IARS1: variants seen among roughly 807,000 people sequenced by gnomAD.
IARS1 encodes the protein isoleucine--tRNA ligase, cytoplasmic.
Under a neutral mutation model 168.2 loss-of-function variants are expected in IARS1, and 124 were observed. The ratio of observed to expected loss-of-function variants is 0.74; its 90% CI spans 0.64 to 0.86. The LOEUF is 0.86. IARS1 is among the 40% of genes least tolerant of loss of function. The pLI is 0.00. For synonymous variants in IARS1, 532 were observed against 529.4 expected, an observed-to-expected ratio of 1.00 and a Z score of -0.07; for missense variants, 1,452 against 1,515.8, an observed-to-expected ratio of 0.96 and a Z score of 0.70.
intron 1 of IARS1, among the ~76,000 whole-genome samples, chr9:92,290,004 C>T (rs775761147): frequency 5.9e-5 from 9 of 152,102 alleles, no homozygotes; most frequent in East Asian, 1.9e-4. Context: ...TTACGAATAA[C>T]GCTGCTATGA....
chr9:92,259,088 TC>T, intron 18 of IARS1, 90 bp from the exon 19 acceptor site: 1 of 1,183,726 alleles, frequency 8.4e-7, no homozygotes, highest in Non-Finnish European at 1.2e-6. Context: ...AAGATGAAAA[TC>T]AGTCCTATTT....
At chr9:92,228,732 A>G (rs566648181) in intron 31 of IARS1, among the ~76,000 whole-genome samples, 19 of 152,244 alleles carry the variant, frequency 1.2e-4, no homozygotes, top group African/African-American at 4.1e-4. Context: ...AAACAACCTC[A>G]CAACAGAGGA....
Position 92,258,940 on chromosome 9 carries a change from C to A in IARS1, c.1930G>T (p.Gly644Cys), listed in dbSNP as rs202209545. ...ACATCCTTAAGGACGTCCCGCACAC[C>A]CTCTTCTTTAAAGCGGAGGTTTTCT... is the stretch of plus-strand genomic sequence containing the variant. ...RAENLRFKEEGVRDVLKDVLL... is the reference protein window; with the variant it reads ...RAENLRFKEECVRDVLKDVLL... The change falls in exon 19 of 34, where the codon GGT becomes TGT. Residue 644 changes from glycine (G) to cysteine (C), a missense_variant. Gly to Cys is a radical substitution (Grantham distance 159). Coordinates refer to ENST00000443024, the MANE Select transcript of IARS1 (RefSeq NM_002161.6). 6.2e-7 allele frequency: 1 copy of A among 1,613,930 alleles called. No individual in the cohort carries two copies. The highest frequency in any genetic ancestry group is 8.5e-7 in the Non-Finnish European group (1 of 1,179,930).
In IARS1 at chr9:92,253,381, A is replaced by G; in HGVS notation, c.2210T>C (p.Met737Thr). The G allele has an allele frequency of 1.9e-6, 3 of 1,612,914 alleles. No homozygotes were observed. Among genetic ancestry groups the G allele is most frequent in the Non-Finnish European group, 2.5e-6 (3 of 1,178,974 alleles). ...VDILTNWYVR[M>T]NRRRLKGENG... ...ACTTACCTTTAATCTTCTGCGGTTC[A>G]TTCTAACATACCAATTGGTCAGAAT... The change falls in exon 21 of 34, where the codon ATG becomes ACG. Residue 737 changes from methionine to threonine, a missense_variant. Physicochemically the swap from Met to Thr is moderately conservative, Grantham distance 81 (BLOSUM62 -1). Transcript: ENST00000443024.
At chr9:92,269,553 G>C (rs1032706105) in intron 13 of IARS1, among the ~76,000 whole-genome samples, 3 of 152,162 alleles carry the variant, frequency 2.0e-5, no homozygotes, top group Non-Finnish European at 2.9e-5. Context: ...CTCTGAAAAT[G>C]ACTATTATTG....
chr9:92,229,544 A>G (rs2133477550), intron 30 of IARS1, among the ~76,000 whole-genome samples: 3 of 152,264 alleles, frequency 2.0e-5, no homozygotes, highest in East Asian at 3.9e-4. Context: ...TGCCATATGT[A>G]TATTCCCACA....
At position 92,260,042 on chromosome 9, in the gene IARS1, T is replaced by C. The variant is rs1465896944; in HGVS notation, c.1871+109A>G. 8.2e-6 allele frequency: 6 copies of C among 732,036 alleles called. No homozygotes were observed. In the Admixed American group the frequency reaches 1.1e-4, roughly 13 times the overall value. 45.3% of individuals were successfully genotyped at this position (732,036 alleles called of 1,614,324 possible). A position where few individuals can be genotyped will look rare whatever the true frequency, so the allele number is the denominator to read the frequency against. On this transcript the variant is annotated intron_variant, in intron 18 of 33. Coordinates refer to ENST00000443024, the MANE Select transcript of IARS1 (RefSeq NM_002161.6). Reference sequence around the variant, plus strand: ...ATAACATCCAAATAACAGAGATATGTTGCTAAAAACCTAACTATAAACCAA... The same window carrying C: ...ATAACATCCAAATAACAGAGATATGCTGCTAAAAACCTAACTATAAACCAA...
At chr9:92,213,201 CT>C (rs1229189372) in intron 33 of IARS1, among the ~76,000 whole-genome samples, 1 of 152,064 alleles carries the variant, frequency 6.6e-6, no homozygotes, top group African/African-American at 2.4e-5. Context: ...CCCATGGGGT[CT>C]GGTGGCTTAA....
intron 22 of IARS1, 170 bp from the exon 23 acceptor site, chr9:92,251,004 G>T: frequency 1.5e-6 from 1 of 679,098 alleles, no homozygotes; most frequent in Non-Finnish European, 2.6e-6. Flanking sequence ...TCATATCCCT[G>T]AAGCATAGCT....
chr9:92,247,577 A>T, intron 25 of IARS1, 26 bp from the exon 26 acceptor site: 1 of 1,598,888 alleles, frequency 6.3e-7, no homozygotes, highest in Non-Finnish European at 8.5e-7. Flanking sequence ...AAGAGGAAAC[A>T]AAAATGAGAA....
At position 92,270,939 on chromosome 9, in the gene IARS1, AC is replaced by A. The variant is rs755568326; in HGVS notation, c.1205+45del. On this transcript the variant is annotated intron_variant, in intron 12 of 33. Coordinates refer to ENST00000443024, the MANE Select transcript of IARS1 (RefSeq NM_002161.6). ...ATGGGCACATATAGTAAGTGTAAGC[AC>A]AGACTGGAAGCTCTAGCTACAACAC... The A allele has an allele frequency of 4.5e-6, 6 of 1,319,412 alleles. No homozygotes were observed. In the African/African-American group the frequency reaches 8.8e-5, roughly 19 times the overall value. The allele number at this position is 1,319,412 out of a possible 1,614,324, so 81.7% of individuals were successfully genotyped here.
At position 92,274,490 on chromosome 9, in the gene IARS1, A is replaced by G; in HGVS notation, c.926T>C (p.Val309Ala). Reference protein sequence around the residue: ...CKENGAFTVLVDNYVKEEEGT... With the variant: ...CKENGAFTVLADNYVKEEEGT... ...TTCTTCTTCCTTCACATAGTTGTCA[A>G]CAAGCACAGTGAAAGCGCCATTCTC... The change falls in exon 10 of 34, where the codon GTT (valine) becomes GCT (alanine). Residue 309 changes from valine (V) to alanine (A), a missense_variant. Val to Ala is a moderately conservative substitution (Grantham distance 64, BLOSUM62 0). Transcript: ENST00000443024. 6.2e-7 allele frequency: 1 copy of G among 1,614,006 alleles called. No individual in the cohort carries two copies. The highest frequency in any genetic ancestry group is 8.5e-7 in the Non-Finnish European group (1 of 1,179,884).
chr9:92,275,865 C>T (rs1034393532), intron 9 of IARS1, among the ~76,000 whole-genome samples: 6 of 152,196 alleles, frequency 3.9e-5, no homozygotes, highest in African/African-American at 1.2e-4. Context: ...CTAAAGTCAC[C>T]GAAGGTTTCA....
intron 33 of IARS1, among the ~76,000 whole-genome samples, chr9:92,214,569 G>A (rs1184437105): frequency 6.6e-6 from 1 of 152,196 alleles, no homozygotes; most frequent in African/African-American, 2.4e-5. Context: ...TGCACGCACC[G>A]TGCGCGAGCC....
chr9:92,256,853 T>A, intron 19 of IARS1, 53 bp from the exon 20 acceptor site: 2 of 1,547,864 alleles, frequency 1.3e-6, no homozygotes. Context: ...AAAGTTACTA[T>A]GAGGAAATAA....
chr9:92,235,516 T>A (rs1019098778), intron 30 of IARS1, among the ~76,000 whole-genome samples: 3 of 136,320 alleles, frequency 2.2e-5, no homozygotes, highest in African/African-American at 7.9e-5. Flanking sequence ...TACATTGATT[T>A]TTTTTTTTTT....
chr9:92,219,123 T>C (rs1216989951), intron 33 of IARS1, among the ~76,000 whole-genome samples: 2 of 152,070 alleles, frequency 1.3e-5, no homozygotes, highest in Non-Finnish European at 2.9e-5. Flanking sequence ...ACGCCACGTA[T>C]CTACAACTAT....
chr9:92,280,150 A>G (rs949597059), intron 7 of IARS1, among the ~76,000 whole-genome samples: 4 of 152,170 alleles, frequency 2.6e-5, no homozygotes, highest in African/African-American at 7.2e-5. Context: ...TTTGGGGAAA[A>G]CACTCAGAAG....
At chr9:92,262,464 G>T (rs758349682) in intron 17 of IARS1, among the ~76,000 whole-genome samples, 2 of 152,080 alleles carry the variant, frequency 1.3e-5, no homozygotes, top group Non-Finnish European at 2.9e-5. Context: ...GGAAAAATGA[G>T]ACTTCCTTAT....
Sources: gnomAD v4.1 joint callset for allele counts (sites outside exome capture counted in the v4.1 genomes callset) on GRCh38, gnomAD v4.1.1 for gene constraint, MANE v1.5 for transcripts, NCBI Gene and HGNC (gene_info 2026-07-23, HGNC 2026-07-21) for gene names.